OMA1: variants seen among roughly 807,000 people sequenced by gnomAD.
OMA1 encodes OMA1 zinc metallopeptidase.
OMA1 carries 38 observed loss-of-function variants against 30.9 expected under a neutral mutation model. The observed-to-expected ratio is 1.23, with a 90% CI of 0.95 to 1.61. The LOEUF (loss-of-function observed/expected upper bound fraction) is 1.61, where lower values mean the gene tolerates loss of function less well. OMA1 is among the 40% of genes most tolerant of loss of function. The probability of loss-of-function intolerance (pLI) is 0.00; values close to 1 mark genes in which losing one functional copy is unlikely to be tolerated. For missense variants in OMA1, 461 were observed against 349.2 expected, an observed-to-expected ratio of 1.32 and a Z score of -2.55; for synonymous variants, 173 against 121.9, an observed-to-expected ratio of 1.42 and a Z score of -2.76.
At chr1:58,501,913 T>A (rs1290512225) in intron 8 of OMA1, among the ~76,000 whole-genome samples, 1 of 152,038 alleles carries the variant, frequency 6.6e-6, no homozygotes, top group Non-Finnish European at 1.5e-5. Context: ...GAGAGCTGCC[T>A]CTCCCTCCTC....
intron 2 of OMA1, among the ~76,000 whole-genome samples, chr1:58,537,698 T>TA (rs1213422991): frequency 2.7e-4 from 41 of 152,370 alleles, no homozygotes; most frequent in Admixed American, 2.7e-3. Flanking sequence ...TACAAATTCT[T>TA]AAAGTTCTCT....
At chr1:58,516,004 T>C (rs1646152458) in intron 7 of OMA1, among the ~76,000 whole-genome samples, 1 of 152,232 alleles carries the variant, frequency 6.6e-6, no homozygotes, top group South Asian at 2.1e-4. Context: ...ATGGTGCTAT[T>C]GGCACAGTTA....
At chr1:58,487,911 C>T (rs770202486) in intron 8 of OMA1, among the ~76,000 whole-genome samples, 5 of 137,894 alleles carry the variant, frequency 3.6e-5, no homozygotes, top group Non-Finnish European at 8.2e-5. Flanking sequence ...CGTACCTCTT[C>T]TCCTGATCCT....
intron 7 of OMA1, among the ~76,000 whole-genome samples, chr1:58,520,247 C>T (rs908962284): frequency 6.6e-6 from 1 of 151,754 alleles, no homozygotes; most frequent in African/African-American, 2.4e-5. Flanking sequence ...GGAACCTAAA[C>T]GTTGAAAAAA....
intron 8 of OMA1, among the ~76,000 whole-genome samples, chr1:58,499,155 C>T (rs1421695789): frequency 6.6e-6 from 1 of 151,732 alleles, no homozygotes; most frequent in African/African-American, 2.4e-5. Context: ...ACTATACAGT[C>T]TCACTTATAT....
intron 1 of OMA1, among the ~76,000 whole-genome samples, chr1:58,540,798 G>A (rs987601247): frequency 6.7e-6 from 1 of 150,158 alleles, no homozygotes; most frequent in Non-Finnish European, 1.5e-5. Flanking sequence ...CCAAAAAGCG[G>A]GGAGGAGGTG....
chr1:58,544,738 C>T (rs572821989), intron 1 of OMA1, among the ~76,000 whole-genome samples: 1 of 152,244 alleles, frequency 6.6e-6, no homozygotes, highest in East Asian at 1.9e-4. Flanking sequence ...GGATTACAAG[C>T]ATGCATTACC....
At chr1:58,482,439 A>G (rs1201001095) in intron 8 of OMA1, among the ~76,000 whole-genome samples, 1 of 152,244 alleles carries the variant, frequency 6.6e-6, no homozygotes, top group Non-Finnish European at 1.5e-5. Context: ...GGGTATATGG[A>G]TAATTTTAAG....
chr1:58,494,601 G>A (rs1295552874), intron 8 of OMA1, among the ~76,000 whole-genome samples: 4 of 152,080 alleles, frequency 2.6e-5, no homozygotes, highest in Non-Finnish European at 5.9e-5. Flanking sequence ...ATCAAAAAGT[G>A]GGTGAAGGAT....
chr1:58,485,964 G>A (rs990251337), intron 8 of OMA1, among the ~76,000 whole-genome samples: 3 of 152,220 alleles, frequency 2.0e-5, no homozygotes, highest in Non-Finnish European at 4.4e-5. Context: ...ATATGGTTCT[G>A]AGAATCCTGA....
intron 7 of OMA1, among the ~76,000 whole-genome samples, chr1:58,517,873 C>A (rs1221301127): frequency 6.6e-6 from 1 of 151,846 alleles, no homozygotes; most frequent in Non-Finnish European, 1.5e-5. Flanking sequence ...TCAATGTCTT[C>A]TTAAAGCCTT....
At chr1:58,500,139 T>C (rs1033056320) in intron 8 of OMA1, among the ~76,000 whole-genome samples, 2 of 152,166 alleles carry the variant, frequency 1.3e-5, no homozygotes, top group African/African-American at 4.8e-5. Context: ...TTTTTTCTAA[T>C]AGCCCATTCA....
chr1:58,506,245 C>G, intron 7 of OMA1, 36 bp from the exon 8 acceptor site: 1 of 840,262 alleles, frequency 1.2e-6, no homozygotes, highest in Non-Finnish European at 2.1e-6. Flanking sequence ...ACAATGAGCT[C>G]AGTTTTGAGG....
intron 7 of OMA1, among the ~76,000 whole-genome samples, chr1:58,509,488 A>G (rs1458592014): frequency 6.6e-6 from 1 of 151,604 alleles, no homozygotes; most frequent in East Asian, 1.9e-4. Context: ...GATGGGATAC[A>G]GCAAAGGCAG....
rs1297519604 is a variant in OMA1, at chr1:58,539,268, A to G, written c.27T>C (p.Ser9=). The part of the protein sequence containing the change: MSFICGLQ[S]AARNHVFFRF... ...GGAAGAAAACATGGTTTCTAGCAGC[A>G]GACTGCAATCCACAGATGAAGCTCA... The change falls in exon 2 of 9, where the codon TCT becomes TCC. Residue 9 remains serine, a synonymous_variant. Transcript: ENST00000371226. 3.5e-6 allele frequency: 3 copies of G among 863,898 alleles called. No homozygotes were observed. The highest frequency in any genetic ancestry group is 6.0e-6 in the Non-Finnish European group (3 of 498,896). The allele number at this position is 863,898 out of a possible 1,614,324, so 53.5% of individuals were successfully genotyped here.
chr1:58,489,058 C>G (rs986808478), intron 8 of OMA1, among the ~76,000 whole-genome samples: 1 of 152,220 alleles, frequency 6.6e-6, no homozygotes, highest in Non-Finnish European at 1.5e-5. Flanking sequence ...AACTGAGGTA[C>G]TGGGTGCATC....
At chr1:58,492,986 TC>T (rs1162034207) in intron 8 of OMA1, among the ~76,000 whole-genome samples, 1 of 152,056 alleles carries the variant, frequency 6.6e-6, no homozygotes, top group African/African-American at 2.4e-5. Context: ...TAGACCAATA[TC>T]CCTGATGAAC....
chr1:58,505,271 G>A (rs1645969599), intron 8 of OMA1, among the ~76,000 whole-genome samples: 1 of 152,176 alleles, frequency 6.6e-6, no homozygotes, highest in Admixed American at 6.5e-5. Context: ...GATCTGTTGT[G>A]CTATGCCTTA....
At chr1:58,503,178 A>G (rs1261840629) in intron 8 of OMA1, among the ~76,000 whole-genome samples, 1 of 152,228 alleles carries the variant, frequency 6.6e-6, no homozygotes. Context: ...TTAGAATTTC[A>G]TTGAGCGAAA....
Sources: allele counts gnomAD v4.1 joint callset (sites outside exome capture counted in the v4.1 genomes callset), GRCh38; gene constraint gnomAD v4.1.1; transcripts MANE v1.5; gene names NCBI Gene and HGNC (gene_info 2026-07-23, HGNC 2026-07-21).